Variants in ADGRL2 observed in about 807,000 individuals in gnomAD.
ADGRL2 encodes the protein calcium-independent alpha-latrotoxin receptor 2.
Under a neutral mutation model 157.4 loss-of-function variants are expected in ADGRL2, and 44 were observed. The observed-to-expected ratio is 0.28, with a 90% confidence interval of 0.22 to 0.36. The LOEUF (loss-of-function observed/expected upper bound fraction) is 0.36, where lower values mean the gene tolerates loss of function less well. Among genes scored for constraint, ADGRL2 ranks in the 10% least tolerant of loss-of-function variants. The pLI, the probability that ADGRL2 is intolerant of heterozygous loss-of-function variation, is 1.00. For synonymous variants in ADGRL2, 585 were observed against 624.7 expected (o/e 0.94, Z 0.95); for missense variants, 1,510 against 1,768.9 (o/e 0.85, Z 2.63).
intron 2 of ADGRL2, among the ~76,000 whole-genome samples, chr1:81,528,504 G>A (rs976970512): frequency 6.6e-6 from 1 of 151,904 alleles, no homozygotes; most frequent in Non-Finnish European, 1.5e-5. Flanking sequence ...AAAATTAGCC[G>A]GGCGCTGTGG....
At chr1:81,437,719 C>T (rs1029819444) in intron 1 of ADGRL2, among the ~76,000 whole-genome samples, 1 of 152,104 alleles carries the variant, frequency 6.6e-6, no homozygotes, top group Non-Finnish European at 1.5e-5. Context: ...AGTAACACTG[C>T]CAAAGTCTGA....
intron 1 of ADGRL2, among the ~76,000 whole-genome samples, chr1:81,417,893 T>A (rs534387998): frequency 6.6e-6 from 1 of 152,262 alleles, no homozygotes; most frequent in African/African-American, 2.4e-5. Flanking sequence ...AACCACCACC[T>A]CCAGTCAAAT....
rs544304102 is a variant in ADGRL2, at chr1:81,618,333, A to G, written c.-143+37353A>G. Reference sequence around the variant, plus strand: ...GCACCTGAATCCCTTGCTGTAGCTCATGATACACTGTTCCCTATCCACTCA... The same window carrying G: ...GCACCTGAATCCCTTGCTGTAGCTCGTGATACACTGTTCCCTATCCACTCA... On this transcript the variant is annotated intron_variant, in intron 3 of 24. Coordinates refer to the ADGRL2 transcript ENST00000370721. Among the ~76,000 whole-genome samples, 394 of 152,314 alleles carry G rather than the reference A, an allele frequency of 2.6e-3. 3 individuals are homozygous for G. Among genetic ancestry groups the G allele is most frequent in the Middle Eastern group, 0.01 (3 of 294 alleles).
In ADGRL2 at chr1:81,650,368, G is replaced by A. The variant is rs572666621; in HGVS notation, c.-143+69388G>A. On this transcript the variant is annotated intron_variant, in intron 3 of 24. Transcript: ENST00000370721. ...AGGAGGATCACAAGGTCAAGAGATC[G>A]AGACCATCCTGGCCAACATGGTAAA... is the stretch of plus-strand genomic sequence containing the variant. Among the ~76,000 whole-genome samples, 60 of 150,276 alleles carry A rather than the reference G, an allele frequency of 4.0e-4. 1 individual carries two copies. The South Asian group carries it at 7.9e-3, about 20-fold the overall frequency.
intron 2 of ADGRL2, among the ~76,000 whole-genome samples, chr1:81,900,240 A>T (rs953613843): frequency 5.3e-5 from 8 of 152,210 alleles, no homozygotes; most frequent in African/African-American, 1.9e-4. Context: ...AGAATTGTCA[A>T]CAACAACCAT....
At chr1:81,378,534 C>T (rs1570773702) in intron 1 of ADGRL2, among the ~76,000 whole-genome samples, 1 of 145,248 alleles carries the variant, frequency 6.9e-6, no homozygotes, top group African/African-American at 2.6e-5. Context: ...CACTGCACTC[C>T]AGCCTGGACA....
At position 81,874,280 on chromosome 1, in the gene ADGRL2, A is replaced by T. The variant is rs997073994; in HGVS notation, c.74-32737A>T. ...GAAAATTAAAGGGGACCCTTGCTTT[A>T]TAGTGTCAGTTGTACCTTTTGGAAC... On this transcript the variant is annotated intron_variant, in intron 2 of 23. Transcript: ENST00000686636. 2.0e-5 allele frequency among the ~76,000 whole-genome samples: 3 copies of T among 152,232 alleles called. No homozygotes were observed. In the South Asian group the frequency reaches 6.2e-4, roughly 32 times the overall value.
rs973464174 is a variant in ADGRL2 at position 81,402,627 on chromosome 1, C to G, written c.-301-42409C>G. On this transcript the variant is annotated intron_variant, in intron 1 of 24. Transcript: ENST00000370721. ...AAATTCCTCCTGAACTTCCTACCCTCCTCTGAAACAAAATAACTCAGGTTT... is the reference window on the plus strand; with the variant it reads ...AAATTCCTCCTGAACTTCCTACCCTGCTCTGAAACAAAATAACTCAGGTTT... Among the ~76,000 whole-genome samples, 16 of 152,190 alleles carry G rather than the reference C, an allele frequency of 1.1e-4. 1 individual carries two copies. Among genetic ancestry groups the G allele is most frequent in the Admixed American group, 5.9e-4 (9 of 15,276 alleles).
rs1162516996 is a variant in ADGRL2 at position 81,950,259 on chromosome 1, T to C, written c.1281T>C (p.Thr427=). The C allele has an allele frequency of 6.2e-7, 1 of 1,613,954 alleles. No homozygotes were observed. The highest frequency in any genetic ancestry group is 8.5e-7 in the Non-Finnish European group (1 of 1,179,964). ...LFKTIISTTS[T]TSQKGPMSTT... is the part of the protein sequence containing the mutation. Reference sequence around the variant, plus strand: ...AAACCATAATATCAACCACAAGCACTACTTCACAGAAAGGCCCCATGAGCA... The same window carrying C: ...AAACCATAATATCAACCACAAGCACCACTTCACAGAAAGGCCCCATGAGCA... Residue 427 remains threonine, a synonymous_variant, in exon 7 of 24, where the codon ACT becomes ACC. Transcript: ENST00000686636.
At chr1:81,333,937 T>A (rs564438449) in intron 1 of ADGRL2, among the ~76,000 whole-genome samples, 2 of 152,306 alleles carry the variant, frequency 1.3e-5, no homozygotes, top group South Asian at 4.1e-4. Flanking sequence ...AAATGCATTA[T>A]TGGTAACTTC....
chr1:81,476,851 G>A lies in ADGRL2; in HGVS notation c.-248+31762G>A, dbSNP rs531763122. Among the ~76,000 whole-genome samples the A allele has an allele frequency of 3.3e-5, 5 of 151,934 alleles. No homozygotes were observed. The East Asian group carries it at 7.8e-4, about 24-fold the overall frequency. On this transcript the variant is annotated intron_variant, in intron 2 of 24. Coordinates refer to the ADGRL2 transcript ENST00000370721. ...CCTCTCAGATTCTGTCCTCAGATTC[G>A]CCATTCCAAATGCTTATCTTAGAAA... is the stretch of plus-strand genomic sequence containing the variant.
intron 1 of ADGRL2, chr1:81,426,927 A>C: frequency 1.3e-5 from 9 of 704,280 alleles, no homozygotes; most frequent in South Asian, 1.3e-4. Context: ...GAAGTTATGG[A>C]AGACAGACAG....
At chr1:81,899,470 T>C (rs1235625101) in intron 2 of ADGRL2, among the ~76,000 whole-genome samples, 2 of 152,014 alleles carry the variant, frequency 1.3e-5, no homozygotes, top group African/African-American at 4.8e-5. Flanking sequence ...GCAGAGAGAG[T>C]TATATCTTGA....
intron 3 of ADGRL2, among the ~76,000 whole-genome samples, chr1:81,934,712 T>G (rs1012783757): frequency 3.3e-5 from 5 of 151,926 alleles, no homozygotes; most frequent in African/African-American, 7.2e-5. Flanking sequence ...TTGGAGGAGT[T>G]TTTGTAATCA....
intron 3 of ADGRL2, among the ~76,000 whole-genome samples, chr1:81,654,641 T>C (rs891930857): frequency 6.6e-6 from 1 of 152,236 alleles, no homozygotes; most frequent in Admixed American, 6.5e-5. Context: ...ACTCTTCCTC[T>C]GCTTCATCGT....
chr1:81,840,670 T>C (rs1214601479), intron 2 of ADGRL2, among the ~76,000 whole-genome samples: 1 of 152,148 alleles, frequency 6.6e-6, no homozygotes, highest in African/African-American at 2.4e-5. Context: ...TCTTACCCAT[T>C]AAAGTTTACC....
chr1:81,431,412 AAAG>A (rs2077318664), intron 1 of ADGRL2, among the ~76,000 whole-genome samples: 1 of 152,170 alleles, frequency 6.6e-6, no homozygotes, highest in South Asian at 2.1e-4. Flanking sequence ...AAACAAGCTG[AAAG>A]AAGTAGAGAG....
chr1:81,741,181 A>G (rs2085061580), intron 1 of ADGRL2, among the ~76,000 whole-genome samples: 1 of 151,898 alleles, frequency 6.6e-6, no homozygotes, highest in African/African-American at 2.4e-5. Flanking sequence ...GAAGTTGAAG[A>G]GTGAGGCCAA....
At chr1:81,607,338 C>G (rs1331914109) in intron 3 of ADGRL2, among the ~76,000 whole-genome samples, 2 of 152,202 alleles carry the variant, frequency 1.3e-5, no homozygotes, top group African/African-American at 2.4e-5. Context: ...GAATGAAATA[C>G]ATGTAGTCTC....
Sources: gnomAD v4.1 joint callset for allele counts (sites outside exome capture counted in the v4.1 genomes callset) on GRCh38, gnomAD v4.1.1 for gene constraint, MANE v1.5 for transcripts, NCBI Gene and HGNC (gene_info 2026-07-23, HGNC 2026-07-21) for gene names.